Variants in GREB1L observed in about 807,000 individuals in gnomAD.
The protein encoded by GREB1L is GREB1 like retinoic acid receptor coactivator.
A neutral mutation model predicts 200.8 loss-of-function variants in GREB1L; 17 were observed. That is an observed-to-expected ratio of 0.08 (90% CI 0.06 to 0.13). The LOEUF (loss-of-function observed/expected upper bound fraction) is 0.13, where lower values mean the gene tolerates loss of function less well. GREB1L is among the 10% of genes least tolerant of loss of function. The pLI is 1.00. For missense variants in GREB1L, 1,657 were observed against 2,367.7 expected, an observed-to-expected ratio of 0.70 and a Z score of 6.23; for synonymous variants, 789 against 893.0, an observed-to-expected ratio of 0.88 and a Z score of 2.08.
rs1285237051 is a variant in GREB1L, at chr18:21,268,558, CACATATATATATATATATAT to C, written c.-120+26167_-120+26186del. Among the ~76,000 whole-genome samples the C allele has an allele frequency of 1.0e-3, 91 of 86,668 alleles. 1 individual carries two copies. The highest frequency in any genetic ancestry group is 5.5e-3 in the African/African-American group (87 of 15,680). The allele number at this position is 86,668 out of a possible 152,430, so 56.9% of individuals were successfully genotyped here. On this transcript the variant is annotated intron_variant, in intron 1 of 32. Coordinates refer to ENST00000424526, the MANE Select transcript of GREB1L (RefSeq NM_001142966.3). The stretch of plus-strand genomic sequence containing the variant: ...ACACACACACACACACACACACACA[CACATATATATATATATATAT>C]ATATATATATATATACATGTATATA...
At chr18:21,363,585 G>A (rs1445234105) in intron 1 of GREB1L, 1 of 152,076 alleles carries the variant, frequency 6.6e-6, no homozygotes, top group Non-Finnish European at 1.5e-5. Flanking sequence ...TCACTCAGCA[G>A]TGTGGTCGTT....
At chr18:21,392,603 A>G (rs1444431874) in intron 4 of GREB1L, among the ~76,000 whole-genome samples, 1 of 152,076 alleles carries the variant, frequency 6.6e-6, no homozygotes, top group Non-Finnish European at 1.5e-5. Context: ...AGGGATCTAT[A>G]AGCTTGAAAT....
At chr18:21,289,589 A>C (rs2038414903) in intron 1 of GREB1L, among the ~76,000 whole-genome samples, 1 of 152,122 alleles carries the variant, frequency 6.6e-6, no homozygotes. Flanking sequence ...ATATGTATCT[A>C]TTTAAATAGA....
chr18:21,403,872 A>G lies in GREB1L; in HGVS notation c.710A>G (p.Glu237Gly), dbSNP rs2041419688. 6.4e-7 allele frequency: 1 copy of G among 1,550,866 alleles called. No individual in the cohort carries two copies. Among genetic ancestry groups the G allele is most frequent in the Non-Finnish European group, 8.7e-7 (1 of 1,146,434 alleles). Residue 237 changes from glutamate (E) to glycine (G), a missense_variant and splice_region_variant, in exon 7 of 33, where the codon GAA becomes GGA. Around this residue, in one of 9 missense-constraint regions of GREB1L, gnomAD observed 289 missense variants for 345.1 expected, o/e 0.84. Transcript: ENST00000424526. Reference protein sequence around the residue: ...LSKGPLICWKECRSRQSSASC... With the variant: ...LSKGPLICWKGCRSRQSSASC... ...CAATGTGATTTTTACTCTTTTCCAG[A>G]ATGTAGAAGCCGACAATCCTCTGCT...
intron 1 of GREB1L, among the ~76,000 whole-genome samples, chr18:21,344,531 C>T (rs553209246): frequency 1.3e-5 from 2 of 152,160 alleles, no homozygotes; most frequent in Non-Finnish European, 2.9e-5. Context: ...AGGTGATGCT[C>T]CTGCAAAGGT....
At chr18:21,518,281 T>G in intron 31 of GREB1L, 47 bp downstream of exon 31, 1 of 1,504,940 alleles carries the variant, frequency 6.6e-7, no homozygotes, top group Non-Finnish European at 9.0e-7. Context: ...TCCATCCATT[T>G]CTTTCTCATT....
At chr18:21,473,239 G>A (rs1331888691) in intron 16 of GREB1L, 28 bp downstream of exon 16, 2 of 1,430,316 alleles carry the variant, frequency 1.4e-6, no homozygotes, top group Non-Finnish European at 1.9e-6. Flanking sequence ...AGCAAATGGA[G>A]TCTCCCTTCT....
At chr18:21,392,426 A>G (rs1468143755) in intron 4 of GREB1L, among the ~76,000 whole-genome samples, 9 of 152,186 alleles carry the variant, frequency 5.9e-5, no homozygotes, top group Non-Finnish European at 4.4e-5. Flanking sequence ...TATGACCGAC[A>G]TATTTAATGA....
At chr18:21,365,004 A>C (rs915064919) in intron 1 of GREB1L, among the ~76,000 whole-genome samples, 1 of 152,038 alleles carries the variant, frequency 6.6e-6, no homozygotes, top group Admixed American at 6.6e-5. Context: ...GGCGGGTGGG[A>C]TATATGTGAG....
At position 21,356,970 on chromosome 18, in the gene GREB1L, T is replaced by C. The variant is rs189116622; in HGVS notation, c.-119-9057T>C. Among the ~76,000 whole-genome samples the C allele has an allele frequency of 5.9e-5, 9 of 152,330 alleles. No homozygotes were observed. The Middle Eastern group carries it at 0.01, about 173-fold the overall frequency. On this transcript the variant is annotated intron_variant, in intron 1 of 32. Transcript: ENST00000424526. ...TATACTGTTGGCGATTTGTATGTCT[T>C]TTTTTGAGAAATGTCTATTCAAGTC... is the stretch of plus-strand genomic sequence containing the variant.
chr18:21,305,100 C>T (rs1166934749), intron 1 of GREB1L, among the ~76,000 whole-genome samples: 2 of 152,004 alleles, frequency 1.3e-5, no homozygotes, highest in African/African-American at 4.8e-5. Flanking sequence ...CTCAGCCTCC[C>T]GAGTAGCTGG....
intron 4 of GREB1L, among the ~76,000 whole-genome samples, chr18:21,394,477 T>G (rs2040959252): frequency 6.6e-6 from 1 of 152,230 alleles, no homozygotes; most frequent in Non-Finnish European, 1.5e-5. Flanking sequence ...TCTCCTGGTC[T>G]TGGACAGCAT....
At chr18:21,481,692 A>G (rs2035930059) in intron 17 of GREB1L, among the ~76,000 whole-genome samples, 1 of 151,856 alleles carries the variant, frequency 6.6e-6, no homozygotes, top group Admixed American at 6.6e-5. Flanking sequence ...CTTCTGTACT[A>G]CAGATTTGTT....
chr18:21,288,708 T>C (rs1028594279), intron 1 of GREB1L, among the ~76,000 whole-genome samples: 1 of 152,018 alleles, frequency 6.6e-6, no homozygotes, highest in African/African-American at 2.4e-5. Context: ...TTGAAATAGA[T>C]GGCATAGAAC....
intron 17 of GREB1L, among the ~76,000 whole-genome samples, chr18:21,484,355 G>A (rs60923994): frequency 1.3e-5 from 2 of 151,380 alleles, no homozygotes; most frequent in Non-Finnish European, 2.9e-5. Context: ...TTGTATTTTC[G>A]GTAGAGATGG....
chr18:21,338,056 G>A (rs529702935), intron 1 of GREB1L, among the ~76,000 whole-genome samples: 1 of 152,192 alleles, frequency 6.6e-6, no homozygotes, highest in Non-Finnish European at 1.5e-5. Flanking sequence ...TTACAAATAA[G>A]CATCCCATTT....
At chr18:21,442,362 A>T (rs575737848) in intron 10 of GREB1L, among the ~76,000 whole-genome samples, 9 of 152,266 alleles carry the variant, frequency 5.9e-5, no homozygotes, top group African/African-American at 2.2e-4. Flanking sequence ...GAGCCTGCCT[A>T]ATTGGATGGT....
At chr18:21,357,155 A>C (rs2039515986) in intron 1 of GREB1L, among the ~76,000 whole-genome samples, 1 of 152,136 alleles carries the variant, frequency 6.6e-6, no homozygotes, top group Non-Finnish European at 1.5e-5. Flanking sequence ...CCTGGGTTCA[A>C]GCAATTCTTC....
intron 25 of GREB1L, 140 bp downstream of exon 25, chr18:21,506,089 T>G (rs886805499): frequency 7.5e-6 from 7 of 932,214 alleles, no homozygotes; most frequent in South Asian, 2.1e-5. Context: ...AAGGAGCCAC[T>G]CATTGGTGAG....
Sources: gnomAD v4.1 joint callset for allele counts (sites outside exome capture counted in the v4.1 genomes callset) on GRCh38, gnomAD v4.1.1 for gene constraint, gnomAD v4.1.1 regional missense constraint, MANE v1.5 for transcripts, NCBI Gene and HGNC (gene_info 2026-07-23, HGNC 2026-07-21) for gene names.